The following HDAC9 variants were observed in gnomAD, a reference collection of about 807,000 sequenced individuals.
The protein encoded by HDAC9 is MEF-2 interacting transcription repressor (MITR) protein.
In HDAC9, 41 loss-of-function variants were observed where a neutral mutation model predicts 139.4. The ratio of observed to expected loss-of-function variants is 0.29; its 90% CI spans 0.23 to 0.38. The LOEUF (loss-of-function observed/expected upper bound fraction) is 0.38. HDAC9 is among the 10% of genes least tolerant of loss of function. The pLI is 1.00. For missense variants in HDAC9, 1,147 were observed against 1,297.0 expected (o/e 0.88, Z 1.78); for synonymous variants, 517 against 476.2 (o/e 1.09, Z -1.12).
In HDAC9 at chr7:18,849,283, G is replaced by A. The variant is rs184399024; in HGVS notation, c.2684+13286G>A. 1.4e-3 allele frequency among the ~76,000 whole-genome samples: 214 copies of A among 152,188 alleles called. 2 individuals are homozygous for A. The Middle Eastern group carries it at 0.02, about 15-fold the overall frequency. On this transcript the variant is annotated intron_variant, in intron 21 of 25. Coordinates refer to ENST00000686413, the MANE Select transcript of HDAC9 (RefSeq NM_178425.4). ...CTTCTCCTTTTTCCACTGATTACAT[G>A]TGAGTGGTTCTTAGATAACACACCC...
chr7:18,190,430 T>C (rs1477059555), intron 2 of HDAC9, among the ~76,000 whole-genome samples: 1 of 152,238 alleles, frequency 6.6e-6, no homozygotes, highest in East Asian at 1.9e-4. Flanking sequence ...CATGCATAGA[T>C]GACTTGCCTT....
intron 2 of HDAC9, among the ~76,000 whole-genome samples, chr7:18,191,563 C>T (rs967266715): frequency 6.6e-6 from 1 of 152,136 alleles, no homozygotes; most frequent in Non-Finnish European, 1.5e-5. Flanking sequence ...ATGGCACAGA[C>T]AGCTAGTGAC....
intron 1 of HDAC9, among the ~76,000 whole-genome samples, chr7:18,481,286 C>T (rs754695399): frequency 5.3e-5 from 8 of 152,152 alleles, no homozygotes; most frequent in Non-Finnish European, 8.8e-5. Context: ...ATCCCATCAT[C>T]TCATAAACTT....
chr7:18,568,624 G>C (rs961719612), intron 2 of HDAC9, among the ~76,000 whole-genome samples: 6 of 152,128 alleles, frequency 3.9e-5, no homozygotes, highest in Admixed American at 1.3e-4. Flanking sequence ...CTCCTGTCAT[G>C]TTCTATTTCC....
chr7:18,697,851 A>G (rs889256100), intron 12 of HDAC9, among the ~76,000 whole-genome samples: 2 of 151,146 alleles, frequency 1.3e-5, no homozygotes, highest in East Asian at 1.9e-4. Context: ...TTAGGGTTGG[A>G]TGTTATTTTA....
intron 1 of HDAC9, among the ~76,000 whole-genome samples, chr7:18,160,768 C>G (rs986776467): frequency 9.9e-5 from 15 of 152,064 alleles, no homozygotes; most frequent in African/African-American, 3.1e-4. Flanking sequence ...AGGCGCCCAC[C>G]ACCATGCCTG....
chr7:18,796,018 A>C (rs866139835), intron 17 of HDAC9, among the ~76,000 whole-genome samples: 10 of 152,252 alleles, frequency 6.6e-5, no homozygotes, highest in Admixed American at 5.2e-4. Context: ...CTGCATCTAC[A>C]TTCAGTTCTC....
chr7:18,592,268 A>G (rs1324356076), intron 5 of HDAC9, among the ~76,000 whole-genome samples: 2 of 152,134 alleles, frequency 1.3e-5, no homozygotes, highest in Middle Eastern at 3.2e-3. Flanking sequence ...CTTCCCAGAC[A>G]GCAAAATAAT....
At chr7:18,991,225 G>C (rs1158137176) in intron 25 of HDAC9, among the ~76,000 whole-genome samples, 2 of 152,114 alleles carry the variant, frequency 1.3e-5, no homozygotes, top group Non-Finnish European at 2.9e-5. Flanking sequence ...TAACATTGGA[G>C]GGGGGAGATG....
chr7:18,844,783 T>C (rs569702517), intron 21 of HDAC9, among the ~76,000 whole-genome samples: 3 of 152,196 alleles, frequency 2.0e-5, no homozygotes, highest in Non-Finnish European at 4.4e-5. Flanking sequence ...CTGGGTTTCT[T>C]ATCCTTCTGT....
At chr7:18,249,297 A>G (rs895564078) in intron 2 of HDAC9, among the ~76,000 whole-genome samples, 3 of 151,872 alleles carry the variant, frequency 2.0e-5, no homozygotes, top group African/African-American at 7.2e-5. Context: ...GAGGTCAGGA[A>G]TTTAAGACCA....
chr7:18,982,872 A>T (rs1785050356), intron 25 of HDAC9, among the ~76,000 whole-genome samples: 2 of 152,156 alleles, frequency 1.3e-5, no homozygotes, highest in Admixed American at 6.6e-5. Context: ...TAATTTGTTT[A>T]TCCGTATACC....
intron 11 of HDAC9, 70 bp downstream of exon 11, chr7:18,648,753 G>T: frequency 7.8e-7 from 1 of 1,287,720 alleles, no homozygotes; most frequent in Non-Finnish European, 1.1e-6. Context: ...TCACTGATAT[G>T]GGTGTCTAAG....
At chr7:18,186,517 C>G (rs1789927849) in intron 2 of HDAC9, among the ~76,000 whole-genome samples, 1 of 152,184 alleles carries the variant, frequency 6.6e-6, no homozygotes, top group South Asian at 2.1e-4. Flanking sequence ...CCACTCTTCA[C>G]TACCAAATCT....
At chr7:18,253,017 T>C (rs941293437) in intron 2 of HDAC9, among the ~76,000 whole-genome samples, 1 of 152,218 alleles carries the variant, frequency 6.6e-6, no homozygotes, top group East Asian at 1.9e-4. Context: ...TAATTGGTTT[T>C]CTGTTCCTGC....
intron 2 of HDAC9, among the ~76,000 whole-genome samples, chr7:18,578,727 G>C (rs1379821389): frequency 6.6e-6 from 1 of 152,118 alleles, no homozygotes; most frequent in Non-Finnish European, 1.5e-5. Context: ...GATTCTTCAG[G>C]GCGGGTTAGT....
chr7:18,989,423 G>A (rs370612626), intron 25 of HDAC9, among the ~76,000 whole-genome samples: 9 of 151,958 alleles, frequency 5.9e-5, no homozygotes, highest in Admixed American at 2.0e-4. Context: ...CAAGAGATCC[G>A]CTCTTAGTCT....
chr7:18,185,815 C>T (rs1789867080), intron 2 of HDAC9, among the ~76,000 whole-genome samples: 1 of 152,056 alleles, frequency 6.6e-6, no homozygotes, highest in African/African-American at 2.4e-5. Context: ...AAAAATCCAG[C>T]GATTATCTCG....
chr7:18,601,007 T>C lies in HDAC9; in HGVS notation c.664+6978T>C, dbSNP rs142243646. 2.4e-3 allele frequency among the ~76,000 whole-genome samples: 360 copies of C among 152,300 alleles called. 5 individuals are homozygous for C. The highest frequency in any genetic ancestry group is 8.1e-3 in the African/African-American group (338 of 41,570). ...TTCGTAGAGATGGAGTTTTGCTATG[T>C]TGACCAAGTTACTTACTGGGACTTT... On this transcript the variant is annotated intron_variant, in intron 6 of 25. Coordinates refer to ENST00000686413, the MANE Select transcript of HDAC9 (RefSeq NM_178425.4).
Sources: allele counts gnomAD v4.1 joint callset (sites outside exome capture counted in the v4.1 genomes callset), GRCh38; gene constraint gnomAD v4.1.1; transcripts MANE v1.5; gene names NCBI Gene and HGNC (gene_info 2026-07-23, HGNC 2026-07-21).